Variants in KHDRBS2 observed in about 807,000 individuals in gnomAD.
KHDRBS2 encodes the protein KH RNA binding domain containing, signal transduction associated 2.
In KHDRBS2, 26 loss-of-function variants were observed where a neutral mutation model predicts 44.3. The ratio of observed to expected loss-of-function variants is 0.59; its 90% CI spans 0.43 to 0.81. The LOEUF (loss-of-function observed/expected upper bound fraction) is 0.81. Ranked by LOEUF, KHDRBS2 falls within the 40% of genes least tolerant of loss-of-function variation. KHDRBS2 has a pLI of 0.00. For missense variants in KHDRBS2, 476 were observed against 433.1 expected (o/e 1.10, Z -0.88); for synonymous variants, 194 against 151.1 (o/e 1.28, Z -2.08).
At chr6:62,003,935 C>T (rs1398572067) in intron 3 of KHDRBS2, among the ~76,000 whole-genome samples, 1 of 152,088 alleles carries the variant, frequency 6.6e-6, no homozygotes, top group Non-Finnish European at 1.5e-5. Context: ...GGCAGAAATA[C>T]AGATGTTCTT....
the KHDRBS2 span, among the ~76,000 whole-genome samples, chr6:61,627,294 GT>G: frequency 1.1e-4 from 16 of 146,174 alleles, no homozygotes; most frequent in Admixed American, 1.1e-3. Context: ...AATTTGGCTG[GT>G]TTTTGTCTTT....
At chr6:61,637,151 T>C in the KHDRBS2 span, among the ~76,000 whole-genome samples, 9 of 152,040 alleles carry the variant, frequency 5.9e-5, no homozygotes, top group African/African-American at 1.9e-4. Flanking sequence ...TCATCTAGCA[T>C]TAAGTATATC....
the KHDRBS2 span, among the ~76,000 whole-genome samples, chr6:61,546,538 C>T: frequency 5.3e-4 from 81 of 152,172 alleles, no homozygotes; most frequent in Middle Eastern, 6.8e-3. Flanking sequence ...ACAAAAATAG[C>T]ATCTTCAATT....
intron 8 of KHDRBS2, among the ~76,000 whole-genome samples, chr6:61,686,448 G>T (rs1040374077): frequency 1.3e-5 from 2 of 151,644 alleles, no homozygotes; most frequent in Non-Finnish European, 3.0e-5. Flanking sequence ...ATATATGTTT[G>T]TTGTTTTGAG....
Position 62,218,967 on chromosome 6 carries a change from C to A in KHDRBS2, c.92-41655G>T, listed in dbSNP as rs368928777. ...GGGAGCCAAATAATATGTATGTGGA[C>A]ATACAGTGTTGATTTACAGACACTA... On this transcript the variant is annotated intron_variant, in intron 1 of 8. Coordinates refer to ENST00000281156, the MANE Select transcript of KHDRBS2 (RefSeq NM_152688.4). 5.5e-4 allele frequency among the ~76,000 whole-genome samples: 84 copies of A among 151,846 alleles called. 1 individual carries two copies. The highest frequency in any genetic ancestry group is 2.0e-3 in the African/African-American group (83 of 41,522).
chr6:62,150,927 A>G (rs1815026939), intron 2 of KHDRBS2, among the ~76,000 whole-genome samples: 1 of 152,142 alleles, frequency 6.6e-6, no homozygotes, highest in South Asian at 2.1e-4. Flanking sequence ...ATCCTTATTT[A>G]TAATTCATGT....
Position 61,825,886 on chromosome 6 carries a change from TA to T in KHDRBS2, c.810+68748del, listed in dbSNP as rs553881668. On this transcript the variant is annotated intron_variant, in intron 6 of 8. Coordinates refer to ENST00000281156, the MANE Select transcript of KHDRBS2 (RefSeq NM_152688.4). ...GGATTAAATTAAATAAGTCAATATT[TA>T]AAAAATTTTTAGAGCAGTACCTGCC... Among the ~76,000 whole-genome samples, 899 of 152,222 alleles carry T rather than the reference TA, an allele frequency of 5.9e-3. 7 individuals are homozygous for T. Among genetic ancestry groups the T allele is most frequent in the Non-Finnish European group, 6.9e-3 (472 of 68,020 alleles).
chr6:62,122,280 A>G (rs1584829510), intron 2 of KHDRBS2, among the ~76,000 whole-genome samples: 1 of 152,120 alleles, frequency 6.6e-6, no homozygotes, highest in East Asian at 1.9e-4. Context: ...GGGCCCTGCC[A>G]TCTTCTGCAG....
intron 3 of KHDRBS2, among the ~76,000 whole-genome samples, chr6:62,029,923 T>C (rs370372626): frequency 2.6e-5 from 4 of 152,064 alleles, no homozygotes; most frequent in East Asian, 3.9e-4. Flanking sequence ...AGAAATAAAA[T>C]TCTAAGTGAG....
intron 7 of KHDRBS2, among the ~76,000 whole-genome samples, chr6:61,711,757 G>A (rs1402533900): frequency 1.3e-5 from 2 of 151,762 alleles, no homozygotes; most frequent in East Asian, 3.9e-4. Context: ...AATGGTTTCA[G>A]AAGAAAACAT....
chr6:62,198,542 G>A (rs1826182733), intron 1 of KHDRBS2, among the ~76,000 whole-genome samples: 1 of 152,122 alleles, frequency 6.6e-6, no homozygotes, highest in Non-Finnish European at 1.5e-5. Context: ...CCAGGAAGAA[G>A]TTGAATCTCT....
chr6:61,554,298 C>A, the KHDRBS2 span, among the ~76,000 whole-genome samples: 32,152 of 151,720 alleles, frequency 0.21, 3,664 homozygotes, highest in East Asian at 0.29. Flanking sequence ...GGTTTAAAGT[C>A]TGTTTTATCT....
chr6:61,817,089 G>A, intron 6 of KHDRBS2: 1 of 392,962 alleles, frequency 2.5e-6, no homozygotes. Context: ...TTTCCACAAA[G>A]CAATCACATT....
chr6:62,015,977 C>T (rs1781132538), intron 3 of KHDRBS2, among the ~76,000 whole-genome samples: 1 of 152,156 alleles, frequency 6.6e-6, no homozygotes, highest in African/African-American at 2.4e-5. Flanking sequence ...CATTAGCCTT[C>T]CTTCTGAACC....
chr6:61,793,877 T>C (rs76281267), intron 6 of KHDRBS2, among the ~76,000 whole-genome samples: 4,303 of 152,176 alleles, frequency 0.028, 202 homozygotes, highest in African/African-American at 0.098. Context: ...AAATGTAGTG[T>C]TATCTTTGAA....
At chr6:61,665,360 G>T in the KHDRBS2 span, among the ~76,000 whole-genome samples, 1 of 151,350 alleles carries the variant, frequency 6.6e-6, no homozygotes, top group Non-Finnish European at 1.5e-5. Context: ...ATATTTTTAA[G>T]TGTAAGAGGA....
the KHDRBS2 span, among the ~76,000 whole-genome samples, chr6:61,625,666 T>C: frequency 6.6e-6 from 1 of 151,850 alleles, no homozygotes; most frequent in African/African-American, 2.4e-5. Flanking sequence ...TTTTCTTCTC[T>C]GTTTTCACAG....
At chr6:61,923,139 T>C (rs1350581442) in intron 4 of KHDRBS2, among the ~76,000 whole-genome samples, 1 of 151,982 alleles carries the variant, frequency 6.6e-6, no homozygotes, top group Non-Finnish European at 1.5e-5. Context: ...AATAAACTAG[T>C]TGAGATTATG....
At chr6:62,104,804 TAA>T (rs965483263) in intron 2 of KHDRBS2, among the ~76,000 whole-genome samples, 4 of 151,752 alleles carry the variant, frequency 2.6e-5, no homozygotes, top group South Asian at 4.2e-4. Flanking sequence ...AAATAAATAA[TAA>T]GTTACAATAA....
Sources: allele counts gnomAD v4.1 joint callset (sites outside exome capture counted in the v4.1 genomes callset), GRCh38; gene constraint gnomAD v4.1.1; transcripts MANE v1.5; gene names NCBI Gene and HGNC (gene_info 2026-07-23, HGNC 2026-07-21).